MEF2C: variants seen among roughly 807,000 people sequenced by gnomAD.
MEF2C encodes myocyte enhancer factor 2C.
MEF2C carries 6 observed loss-of-function variants against 50.5 expected under a neutral mutation model. That is an observed-to-expected ratio of 0.12 (90% CI 0.07 to 0.23). The LOEUF (loss-of-function observed/expected upper bound fraction) is 0.23, where lower values mean the gene tolerates loss of function less well. Among genes scored for constraint, MEF2C ranks in the 10% least tolerant of loss-of-function variants. MEF2C has a pLI of 1.00. For synonymous variants in MEF2C, 183 were observed against 228.0 expected (o/e 0.80, Z 1.78); for missense variants, 276 against 605.0 (o/e 0.46, Z 5.70).
intron 1 of MEF2C, chr5:88,827,036 TA>T (rs566772209): frequency 6.6e-6 from 1 of 151,756 alleles, no homozygotes; most frequent in African/African-American, 2.4e-5. Context: ...GGCTGCTTAC[TA>T]AAAAGGGGAA....
intron 1 of MEF2C, among the ~76,000 whole-genome samples, chr5:88,902,368 ATATG>A (rs550143292): frequency 4.7e-4 from 72 of 152,080 alleles, no homozygotes; most frequent in African/African-American, 1.7e-3. Flanking sequence ...TTTGAAATAT[ATATG>A]TAACAATTTA....
rs112963168 is a variant in MEF2C, at chr5:88,738,392, G to A, written c.638-6491C>T. 41 of 983,314 alleles carry A rather than the reference G, an allele frequency of 4.2e-5. 2 individuals carry two copies. The African/African-American group carries it at 5.1e-4, about 12-fold the overall frequency. 60.9% of individuals were successfully genotyped at this position (983,314 alleles called of 1,614,324 possible). On this transcript the variant is annotated intron_variant, in intron 6 of 10. Coordinates refer to ENST00000504921, the MANE Select transcript of MEF2C (RefSeq NM_002397.5). Reference sequence around the variant, plus strand: ...ACTTGTAACTGCTATGTAAGTGCTAGATATTGTACATGGATATAAAGCACT... The same window carrying A: ...ACTTGTAACTGCTATGTAAGTGCTAAATATTGTACATGGATATAAAGCACT...
At position 88,785,210 on chromosome 5, in the gene MEF2C, G is replaced by A. The variant is rs1476753605; in HGVS notation, c.258+19388C>T. ...ATTTCCACACCCTGTTGCTATGTTTGACCTGGTTTACAGATTACTTAAGCA... is the reference window on the plus strand; with the variant it reads ...ATTTCCACACCCTGTTGCTATGTTTAACCTGGTTTACAGATTACTTAAGCA... On this transcript the variant is annotated intron_variant, in intron 3 of 10. Coordinates refer to ENST00000504921, the MANE Select transcript of MEF2C (RefSeq NM_002397.5). 2.6e-5 allele frequency: 4 copies of A among 151,084 alleles called. No individual in the cohort carries two copies. The Admixed American group carries it at 2.6e-4, about 10-fold the overall frequency. 9.4% of individuals were successfully genotyped at this position (151,084 alleles called of 1,614,324 possible).
chr5:88,769,368 G>A (rs989039988), intron 3 of MEF2C, among the ~76,000 whole-genome samples: 2 of 152,144 alleles, frequency 1.3e-5, no homozygotes, highest in Non-Finnish European at 2.9e-5. Context: ...GGGCCAATCA[G>A]ATGATTCAGG....
At chr5:88,837,747 T>C (rs1007793365) in intron 1 of MEF2C, among the ~76,000 whole-genome samples, 1 of 152,236 alleles carries the variant, frequency 6.6e-6, no homozygotes, top group Non-Finnish European at 1.5e-5. Context: ...TTTTCTTCCA[T>C]ATTTTAAAAT....
chr5:88,755,522 G>A (rs773008417), intron 4 of MEF2C, among the ~76,000 whole-genome samples: 4 of 152,184 alleles, frequency 2.6e-5, no homozygotes, highest in Admixed American at 6.5e-5. Context: ...TTTGGACCAT[G>A]TAAATAATAA....
intron 1 of MEF2C, among the ~76,000 whole-genome samples, chr5:88,897,840 C>T (rs1333437317): frequency 6.6e-6 from 1 of 152,130 alleles, no homozygotes; most frequent in African/African-American, 2.4e-5. Context: ...TGATCCTCTT[C>T]ACAAAAGAGG....
At chr5:88,760,132 A>T (rs2152655716) in intron 4 of MEF2C, among the ~76,000 whole-genome samples, 1 of 152,376 alleles carries the variant, frequency 6.6e-6, no homozygotes, top group South Asian at 2.1e-4. Flanking sequence ...TTTAGAAGGT[A>T]TGTGAGCCTT....
At chr5:88,852,443 G>A (rs2153389103) in intron 1 of MEF2C, among the ~76,000 whole-genome samples, 1 of 152,216 alleles carries the variant, frequency 6.6e-6, no homozygotes, top group East Asian at 1.9e-4. Context: ...TTTGAACACT[G>A]GATTCTGGTT....
At chr5:88,748,098 GCAT>G in intron 6 of MEF2C, 1 of 985,002 alleles carries the variant, frequency 1.0e-6, no homozygotes, top group Non-Finnish European at 1.2e-6. Context: ...TGAAGAGCCA[GCAT>G]CAGAACAGAG....
chr5:88,815,413 C>T (rs1167744343), intron 2 of MEF2C, among the ~76,000 whole-genome samples: 1 of 152,044 alleles, frequency 6.6e-6, no homozygotes, highest in Non-Finnish European at 1.5e-5. Context: ...CAAACAGTTA[C>T]ATTTGTTGAA....
upstream of MEF2C, among the ~76,000 whole-genome samples, chr5:88,887,191 G>A (rs575724889): frequency 3.9e-5 from 6 of 152,262 alleles, no homozygotes; most frequent in South Asian, 1.2e-3. Context: ...AAAAAGCAGT[G>A]AAACACAAAT....
intron 3 of MEF2C, among the ~76,000 whole-genome samples, chr5:88,782,432 T>C (rs971285310): frequency 5.3e-5 from 8 of 150,768 alleles, no homozygotes; most frequent in African/African-American, 1.2e-4. Flanking sequence ...TGCCACTGCA[T>C]TGAAGCCTGG....
intron 2 of MEF2C, 23 bp downstream of exon 2, chr5:88,823,712 C>CA (rs776944410): frequency 6.3e-7 from 1 of 1,578,278 alleles, no homozygotes; most frequent in Non-Finnish European, 8.6e-7. Context: ...AATAATGATA[C>CA]AAAAAAAGTT....
intron 1 of MEF2C, among the ~76,000 whole-genome samples, chr5:88,866,683 A>G (rs966578280): frequency 3.9e-5 from 6 of 152,252 alleles, no homozygotes; most frequent in Admixed American, 3.9e-4. Context: ...ATTTTCAAAT[A>G]TAATATGACC....
intron 1 of MEF2C, among the ~76,000 whole-genome samples, chr5:88,859,599 C>A (rs1346702037): frequency 6.6e-6 from 1 of 152,124 alleles, no homozygotes; most frequent in Non-Finnish European, 1.5e-5. Context: ...TAGTTCATAC[C>A]TGACAGAATG....
chr5:88,775,054 T>C (rs1365924744), intron 3 of MEF2C, among the ~76,000 whole-genome samples: 1 of 152,234 alleles, frequency 6.6e-6, no homozygotes, highest in East Asian at 1.9e-4. Context: ...TTTCATAATT[T>C]AATGTAAATT....
chr5:88,877,032 G>C (rs2150011343), intron 1 of MEF2C, among the ~76,000 whole-genome samples: 1 of 152,100 alleles, frequency 6.6e-6, no homozygotes, highest in East Asian at 1.9e-4. Context: ...TTGAGGACTT[G>C]CACTGTCATT....
intron 6 of MEF2C, chr5:88,733,620 T>A: frequency 3.0e-6 from 3 of 985,212 alleles, no homozygotes; most frequent in Non-Finnish European, 3.6e-6. Context: ...AGAAGCAAAA[T>A]ATATTTGAGG....
Sources: gnomAD v4.1 joint callset for allele counts (sites outside exome capture counted in the v4.1 genomes callset) on GRCh38, gnomAD v4.1.1 for gene constraint, MANE v1.5 for transcripts, NCBI Gene and HGNC (gene_info 2026-07-23, HGNC 2026-07-21) for gene names.